The following GLIS1 variants were observed in gnomAD, a reference collection of about 807,000 sequenced individuals.
The protein encoded by GLIS1 is GLIS family zinc finger 1, also known as zinc finger protein GLIS1.
In GLIS1, 24 loss-of-function variants were observed where a neutral mutation model predicts 63.8. That is an observed-to-expected ratio of 0.38 (90% CI 0.27 to 0.53). The LOEUF is 0.53. Among genes scored for constraint, GLIS1 ranks in the 20% least tolerant of loss-of-function variants. The pLI, the probability that GLIS1 is intolerant of heterozygous loss-of-function variation, is 0.85. For missense variants in GLIS1, 1,036 were observed against 1,074.1 expected (o/e 0.96, Z 0.50); for synonymous variants, 450 against 482.5 (o/e 0.93, Z 0.88).
At chr1:53,667,405 G>T (rs373289042) in intron 2 of GLIS1, among the ~76,000 whole-genome samples, 1 of 152,192 alleles carries the variant, frequency 6.6e-6, no homozygotes, top group East Asian at 1.9e-4. Flanking sequence ...AGAAACGGAG[G>T]CCTGCACCAG....
At chr1:53,516,768 G>A (rs1200922980) in intron 7 of GLIS1, among the ~76,000 whole-genome samples, 1 of 151,304 alleles carries the variant, frequency 6.6e-6, no homozygotes, top group Non-Finnish European at 1.5e-5. Context: ...AGCCGAGATG[G>A]TGCCACCACA....
At chr1:53,592,191 C>T (rs1390893163) in intron 4 of GLIS1, among the ~76,000 whole-genome samples, 1 of 152,190 alleles carries the variant, frequency 6.6e-6, no homozygotes, top group Non-Finnish European at 1.5e-5. Flanking sequence ...GTAACCCAGG[C>T]CCCTCTGACC....
intron 8 of GLIS1, among the ~76,000 whole-genome samples, chr1:53,513,057 T>C (rs1644314133): frequency 6.6e-6 from 1 of 152,108 alleles, no homozygotes; most frequent in Non-Finnish European, 1.5e-5. Context: ...GGTCCCCCTT[T>C]GCACCCCCTT....
chr1:53,724,858 G>T (rs1646789801), intron 2 of GLIS1, among the ~76,000 whole-genome samples: 1 of 152,006 alleles, frequency 6.6e-6, no homozygotes, highest in Non-Finnish European at 1.5e-5. Flanking sequence ...AAAGATGATT[G>T]GTCCAGTACC....
chr1:53,631,138 T>C (rs1416993757), intron 2 of GLIS1, among the ~76,000 whole-genome samples: 2 of 152,256 alleles, frequency 1.3e-5, no homozygotes, highest in Non-Finnish European at 1.5e-5. Flanking sequence ...TTTCAAGTAG[T>C]GTAATCTAAC....
intron 4 of GLIS1, among the ~76,000 whole-genome samples, chr1:53,567,097 T>C (rs1395331515): frequency 6.6e-6 from 1 of 152,186 alleles, no homozygotes; most frequent in Non-Finnish European, 1.5e-5. Context: ...ACTTGTTGAA[T>C]AGTTGTGACC....
At chr1:53,714,749 C>T (rs944815145) in intron 2 of GLIS1, among the ~76,000 whole-genome samples, 3 of 152,208 alleles carry the variant, frequency 2.0e-5, no homozygotes, top group African/African-American at 7.2e-5. Context: ...GATGGACACC[C>T]AGTGTGACCA....
chr1:53,738,881 G>C (rs1178481621), intron 1 of GLIS1, among the ~76,000 whole-genome samples: 1 of 152,176 alleles, frequency 6.6e-6, no homozygotes, highest in East Asian at 1.9e-4. Context: ...GCTCAGCAGC[G>C]CACAACCACA....
chr1:53,588,492 C>T (rs1645158099), intron 4 of GLIS1, among the ~76,000 whole-genome samples: 1 of 152,202 alleles, frequency 6.6e-6, no homozygotes, highest in Non-Finnish European at 1.5e-5. Flanking sequence ...CCCTGACCAC[C>T]CTCTCTGGGT....
intron 4 of GLIS1, among the ~76,000 whole-genome samples, chr1:53,535,371 T>G (rs906654924): frequency 2.6e-5 from 4 of 152,020 alleles, no homozygotes; most frequent in African/African-American, 9.7e-5. Context: ...CTACCTTTAC[T>G]AAGCACCTAC....
intron 2 of GLIS1, among the ~76,000 whole-genome samples, chr1:53,695,553 A>G (rs1449136363): frequency 2.0e-5 from 3 of 152,192 alleles, no homozygotes; most frequent in Non-Finnish European, 4.4e-5. Context: ...GCAGGCACCG[A>G]GCAGTGAATG....
At chr1:53,593,415 C>A (rs1330117371) in intron 4 of GLIS1, among the ~76,000 whole-genome samples, 1 of 152,248 alleles carries the variant, frequency 6.6e-6, no homozygotes, top group African/African-American at 2.4e-5. Context: ...CCTGAGTACT[C>A]ACAGTTAATA....
chr1:53,614,135 C>A (rs2948055), intron 2 of GLIS1, among the ~76,000 whole-genome samples: 13,269 of 152,200 alleles, frequency 0.087, 765 homozygotes, highest in South Asian at 0.18. Flanking sequence ...ACCAAAAATG[C>A]GGTGTTCCAG....
chr1:53,564,383 A>G (rs1366546114), intron 4 of GLIS1, among the ~76,000 whole-genome samples: 1 of 152,042 alleles, frequency 6.6e-6, no homozygotes, highest in African/African-American at 2.4e-5. Context: ...CAATAACGGC[A>G]ACAACAACAA....
At chr1:53,633,301 G>C (rs1171224801) in intron 2 of GLIS1, among the ~76,000 whole-genome samples, 1 of 149,318 alleles carries the variant, frequency 6.7e-6, no homozygotes, top group Non-Finnish European at 1.5e-5. Context: ...AGGGGCGTGT[G>C]AATGAGTGTG....
intron 2 of GLIS1, among the ~76,000 whole-genome samples, chr1:53,689,917 T>G (rs558566175): frequency 3.9e-5 from 6 of 152,216 alleles, no homozygotes; most frequent in Admixed American, 2.6e-4. Context: ...TCCCCACCAC[T>G]GTGCACCTCT....
rs1282592783 is a variant in GLIS1 at position 53,574,335 on chromosome 1, T to C, written c.1320+19773A>G. On this transcript the variant is annotated intron_variant, in intron 4 of 10. Coordinates refer to ENST00000628545, the MANE Select transcript of GLIS1 (RefSeq NM_001367484.1). This position sits in a 1 kb window ranked among gnomAD's most constrained non-coding sequence, Gnocchi z 4.2. ...TATGCACCGCTCTGTACCCAGAACA[T>C]GCACATGGCCTGGCATATTCTGGGT... 6.6e-6 allele frequency among the ~76,000 whole-genome samples: 1 copy of C among 152,182 alleles called. No individual in the cohort carries two copies. Among genetic ancestry groups the C allele is most frequent in the African/African-American group, 2.4e-5 (1 of 41,450 alleles).
chr1:53,657,763 G>A (rs1645982687), intron 2 of GLIS1, among the ~76,000 whole-genome samples: 1 of 152,210 alleles, frequency 6.6e-6, no homozygotes. Context: ...AGGAACACAA[G>A]GGTCACCAGG....
intron 4 of GLIS1, among the ~76,000 whole-genome samples, chr1:53,551,933 C>T (rs532363123): frequency 1.3e-5 from 2 of 152,170 alleles, no homozygotes; most frequent in Admixed American, 1.3e-4. Flanking sequence ...ACTGCAGAAG[C>T]ACTCCATATT....
Sources: gnomAD v4.1 joint callset for allele counts (sites outside exome capture counted in the v4.1 genomes callset) on GRCh38, gnomAD v4.1.1 for gene constraint, Gnocchi (gnomAD v3.1) non-coding constraint, MANE v1.5 for transcripts, NCBI Gene and HGNC (gene_info 2026-07-23, HGNC 2026-07-21) for gene names.